Variants in KLF12 observed in about 807,000 individuals in gnomAD.
KLF12 encodes the protein KLF transcription factor 12.
KLF12 carries 9 observed loss-of-function variants against 37.8 expected under a neutral mutation model. The observed-to-expected ratio is 0.24, with a 90% CI of 0.14 to 0.42. The LOEUF (loss-of-function observed/expected upper bound fraction) is 0.42, where lower values mean the gene tolerates loss of function less well. KLF12 is among the 10% of genes least tolerant of loss of function. The pLI is 1.00. For missense variants in KLF12, 411 were observed against 516.0 expected, an observed-to-expected ratio of 0.80 and a Z score of 1.97; for synonymous variants, 208 against 202.1, an observed-to-expected ratio of 1.03 and a Z score of -0.25.
At chr13:73,705,785 C>A (rs1874890009) in intron 7 of KLF12, among the ~76,000 whole-genome samples, 1 of 152,020 alleles carries the variant, frequency 6.6e-6, no homozygotes, top group Admixed American at 6.6e-5. Flanking sequence ...TTTATATAAC[C>A]CAGCTTTGAT....
intron 3 of KLF12, among the ~76,000 whole-genome samples, chr13:73,907,520 T>TA (rs1888359422): frequency 2.0e-5 from 3 of 152,208 alleles, no homozygotes; most frequent in Admixed American, 2.0e-4. Flanking sequence ...CTCAGTCTTC[T>TA]AAGCTTAACA....
intron 2 of KLF12, among the ~76,000 whole-genome samples, chr13:73,991,962 G>T (rs760752088): frequency 1.9e-4 from 29 of 152,192 alleles, no homozygotes; most frequent in Non-Finnish European, 3.7e-4. Flanking sequence ...TCACAGAAAG[G>T]CTTGCTCTTG....
At chr13:74,195,400 C>G in the KLF12 span, among the ~76,000 whole-genome samples, 411 of 152,210 alleles carry the variant, frequency 2.7e-3, 2 homozygotes, top group Non-Finnish European at 4.9e-3. Context: ...GGGACACCTA[C>G]TGCTATGAAT....
chr13:73,769,011 TTATAA>T (rs780627400), intron 5 of KLF12, among the ~76,000 whole-genome samples: 4 of 152,162 alleles, frequency 2.6e-5, no homozygotes, highest in Non-Finnish European at 5.9e-5. Context: ...ATTGAACATT[TTATAA>T]TATAAGTAGA....
intron 2 of KLF12, among the ~76,000 whole-genome samples, chr13:73,989,270 TGA>T (rs1593810239): frequency 6.6e-6 from 1 of 152,226 alleles, no homozygotes; most frequent in African/African-American, 2.4e-5. Flanking sequence ...CTGTGAAATG[TGA>T]GAGGCAACTG....
the KLF12 span, among the ~76,000 whole-genome samples, chr13:74,200,724 A>G: frequency 6.6e-6 from 1 of 152,112 alleles, no homozygotes; most frequent in Non-Finnish European, 1.5e-5. Context: ...ATTCAATGTC[A>G]TAGAGAGTTT....
intron 6 of KLF12, among the ~76,000 whole-genome samples, chr13:73,755,105 T>C (rs999792288): frequency 6.6e-6 from 1 of 152,210 alleles, no homozygotes; most frequent in Non-Finnish European, 1.5e-5. Context: ...GAGTACAATA[T>C]AATTCAGATC....
chr13:73,735,932 G>A (rs551228217), intron 6 of KLF12, among the ~76,000 whole-genome samples: 14 of 150,194 alleles, frequency 9.3e-5, no homozygotes, highest in African/African-American at 3.5e-4. Flanking sequence ...TGCCCTGTAT[G>A]CACTGATTTT....
chr13:74,045,664 C>T (rs1566516877), intron 1 of KLF12, among the ~76,000 whole-genome samples: 2 of 151,866 alleles, frequency 1.3e-5, no homozygotes, highest in African/African-American at 4.8e-5. Context: ...GCCCAAGCCA[C>T]TGTCTGTGTG....
chr13:73,897,130 T>A (rs1281227671), intron 3 of KLF12, among the ~76,000 whole-genome samples: 1 of 152,042 alleles, frequency 6.6e-6, no homozygotes, highest in Non-Finnish European at 1.5e-5. Flanking sequence ...TTCTGAGTTA[T>A]AGTGGAAGGA....
At chr13:73,872,025 C>T (rs1387386302) in intron 3 of KLF12, among the ~76,000 whole-genome samples, 1 of 152,130 alleles carries the variant, frequency 6.6e-6, no homozygotes, top group African/African-American at 2.4e-5. Flanking sequence ...AGGCTTGAAT[C>T]AAAGCGGGAT....
rs575178255 is a variant in KLF12, at chr13:74,080,537, G to A, written c.-32+53202C>T. 2.6e-4 allele frequency among the ~76,000 whole-genome samples: 38 copies of A among 147,130 alleles called. No individual in the cohort carries two copies. In the South Asian group the frequency reaches 7.5e-3, roughly 29 times the overall value. On this transcript the variant is annotated intron_variant, in intron 1 of 7. Transcript: ENST00000377669. ...AAGATGGTCCAAAAGAAAAAAAAAAGCAACGTATATGTTAGATAAGTAAAT... is the reference window on the plus strand; with the variant it reads ...AAGATGGTCCAAAAGAAAAAAAAAAACAACGTATATGTTAGATAAGTAAAT...
chr13:73,769,633 T>A (rs1443843300), intron 5 of KLF12, among the ~76,000 whole-genome samples: 1 of 152,142 alleles, frequency 6.6e-6, no homozygotes, highest in African/African-American at 2.4e-5. Context: ...AATGTCTACC[T>A]CCAGCCTTAG....
chr13:73,954,563 TATTTCAATACTAACTA>T (rs1275454495), intron 2 of KLF12, among the ~76,000 whole-genome samples: 65 of 152,344 alleles, frequency 4.3e-4, no homozygotes, highest in Non-Finnish European at 8.2e-4. Flanking sequence ...ACTAAAAGAT[TATTTCAATACTAACTA>T]AGTTGTAGCA....
intron 5 of KLF12, among the ~76,000 whole-genome samples, chr13:73,789,376 G>A (rs2138254178): frequency 6.6e-6 from 1 of 152,184 alleles, no homozygotes; most frequent in Admixed American, 6.5e-5. Context: ...GGACTTGTTG[G>A]GTGTCACAGT....
At chr13:73,951,189 T>A (rs539941635) in intron 2 of KLF12, among the ~76,000 whole-genome samples, 3 of 152,376 alleles carry the variant, frequency 2.0e-5, no homozygotes, top group Admixed American at 1.3e-4. Flanking sequence ...AGGGGTTGTT[T>A]CATGTGCTTT....
intron 6 of KLF12, among the ~76,000 whole-genome samples, chr13:73,757,792 T>C (rs965689842): frequency 5.3e-5 from 8 of 152,324 alleles, no homozygotes; most frequent in African/African-American, 1.9e-4. Context: ...TGGATTATAA[T>C]TGATAGCCAA....
chr13:73,718,131 T>C (rs765873625), intron 6 of KLF12, among the ~76,000 whole-genome samples: 6 of 152,208 alleles, frequency 3.9e-5, no homozygotes, highest in Non-Finnish European at 8.8e-5. Flanking sequence ...AATGTAACTA[T>C]GCATAAACAC....
intron 5 of KLF12, among the ~76,000 whole-genome samples, chr13:73,809,260 T>C (rs1291646462): frequency 6.6e-6 from 1 of 152,212 alleles, no homozygotes; most frequent in Non-Finnish European, 1.5e-5. Flanking sequence ...TTTATCCTTT[T>C]GTTATTTAAT....
Sources: gnomAD v4.1 joint callset for allele counts (sites outside exome capture counted in the v4.1 genomes callset) on GRCh38, gnomAD v4.1.1 for gene constraint, MANE v1.5 for transcripts, NCBI Gene and HGNC (gene_info 2026-07-23, HGNC 2026-07-21) for gene names.